Variants in NOX4 observed in about 807,000 individuals in gnomAD.
The protein encoded by NOX4 is kidney oxidase-1.
In NOX4, 69 loss-of-function variants were observed where a neutral mutation model predicts 87.6. The observed-to-expected ratio is 0.79, with a 90% CI of 0.65 to 0.96. The LOEUF (loss-of-function observed/expected upper bound fraction) is 0.96. NOX4 is among the 40% of genes least tolerant of loss of function. NOX4 has a pLI of 0.00. For missense variants in NOX4, 680 were observed against 681.5 expected (o/e 1.00, Z 0.02); for synonymous variants, 275 against 238.2 (o/e 1.15, Z -1.42).
At chr11:89,418,058 T>A (rs1484840790) in intron 8 of NOX4, among the ~76,000 whole-genome samples, 3 of 152,052 alleles carry the variant, frequency 2.0e-5, no homozygotes, top group Non-Finnish European at 2.9e-5. Context: ...CAGATTTATT[T>A]ATAAAAAATG....
chr11:89,352,269 A>AT, intron 13 of NOX4, among the ~76,000 whole-genome samples: 1 of 152,330 alleles, frequency 6.6e-6, no homozygotes, highest in East Asian at 1.9e-4. Context: ...ATACAAATAA[A>AT]TTTTTAAAAT....
chr11:89,572,094 TTGA>T, the NOX4 span, among the ~76,000 whole-genome samples: 2 of 152,202 alleles, frequency 1.3e-5, no homozygotes. Context: ...CACATATTAA[TTGA>T]TGTCTCATGT....
At chr11:89,584,575 C>A in the NOX4 span, among the ~76,000 whole-genome samples, 2 of 152,120 alleles carry the variant, frequency 1.3e-5, no homozygotes, top group African/African-American at 4.8e-5. Context: ...GAAATCCAAA[C>A]AGTTTGAATG....
At chr11:89,338,497 T>C (rs1162091042) in intron 15 of NOX4, among the ~76,000 whole-genome samples, 1 of 152,144 alleles carries the variant, frequency 6.6e-6, no homozygotes, top group Non-Finnish European at 1.5e-5. Flanking sequence ...TTCTTCTAGG[T>C]ACATACCTAG....
chr11:89,466,458 T>G (rs1008555342), intron 2 of NOX4, among the ~76,000 whole-genome samples: 2 of 152,164 alleles, frequency 1.3e-5, no homozygotes, highest in Non-Finnish European at 2.9e-5. Flanking sequence ...GTCTAAAAAA[T>G]GCAGGCAGTA....
chr11:89,527,652 CTTACA>C, the NOX4 span, among the ~76,000 whole-genome samples: 1 of 152,172 alleles, frequency 6.6e-6, no homozygotes, highest in Non-Finnish European at 1.5e-5. Flanking sequence ...GCCTTGGCAG[CTTACA>C]TTTGGTTTTG....
intron 8 of NOX4, among the ~76,000 whole-genome samples, chr11:89,404,367 A>G (rs980896491): frequency 6.6e-5 from 10 of 152,180 alleles, no homozygotes; most frequent in East Asian, 3.9e-4. Flanking sequence ...CACTACTCCA[A>G]TGGTTCTTCA....
chr11:89,541,787 C>A, the NOX4 span, among the ~76,000 whole-genome samples: 1 of 152,080 alleles, frequency 6.6e-6, no homozygotes, highest in Non-Finnish European at 1.5e-5. Flanking sequence ...AGACAAAAAT[C>A]TCTGTAGCAA....
intron 2 of NOX4, among the ~76,000 whole-genome samples, chr11:89,455,841 T>C (rs1346368770): frequency 1.3e-5 from 2 of 151,468 alleles, no homozygotes; most frequent in Non-Finnish European, 2.9e-5. Context: ...TGGTAATCAA[T>C]AAATCTTGAG....
At chr11:89,586,108 A>G in the NOX4 span, among the ~76,000 whole-genome samples, 2 of 151,930 alleles carry the variant, frequency 1.3e-5, no homozygotes, top group Admixed American at 1.3e-4. Flanking sequence ...ATAATTTATA[A>G]CACTCTCTCA....
chr11:89,373,277 C>CAAAAAAAAAAAA (rs144113376), intron 12 of NOX4, among the ~76,000 whole-genome samples, 155 bp downstream of exon 12: 571 of 58,796 alleles, frequency 9.7e-3, no homozygotes, highest in East Asian at 0.013. Flanking sequence ...ACTGTACAAG[C>CAAAAAAAAAAAA]AAAAAAAAAA....
chr11:89,391,412 G>T (rs1941110213), intron 11 of NOX4, among the ~76,000 whole-genome samples: 1 of 152,086 alleles, frequency 6.6e-6, no homozygotes, highest in Non-Finnish European at 1.5e-5. Context: ...CCCAGGGTGA[G>T]ACCCAAAAGT....
At chr11:89,554,087 T>G in the NOX4 span, among the ~76,000 whole-genome samples, 1 of 151,636 alleles carries the variant, frequency 6.6e-6, no homozygotes, top group South Asian at 2.1e-4. Context: ...TTCAAAAGGA[T>G]GTATTTTTTT....
chr11:89,488,808 A>T, intron 2 of NOX4: 1 of 517,504 alleles, frequency 1.9e-6, no homozygotes, highest in South Asian at 3.3e-5. Context: ...TAATGGGGAA[A>T]TACTAGAAAA....
the NOX4 span, among the ~76,000 whole-genome samples, chr11:89,587,239 A>AG: frequency 6.6e-6 from 1 of 152,020 alleles, no homozygotes; most frequent in Non-Finnish European, 1.5e-5. Flanking sequence ...GGGAGAGGAT[A>AG]GAGGCACCTC....
At chr11:89,476,767 A>G (rs758211543) in intron 2 of NOX4, among the ~76,000 whole-genome samples, 6 of 152,226 alleles carry the variant, frequency 3.9e-5, no homozygotes, top group Non-Finnish European at 5.9e-5. Flanking sequence ...GTAGATGCAA[A>G]CAATGGAATA....
Position 89,326,186 on chromosome 11 carries a change from T to C in NOX4, c.*570A>G, listed in dbSNP as rs1261249464. On this transcript the variant is annotated 3_prime_UTR_variant, in exon 18 of 18. Coordinates refer to ENST00000263317, the MANE Select transcript of NOX4 (RefSeq NM_016931.5). ...TAGCATATAGTCTTCAGATATCAAATAGAGGTATTAGCATAAGTAGTGGAG... is the reference window on the plus strand; with the variant it reads ...TAGCATATAGTCTTCAGATATCAAACAGAGGTATTAGCATAAGTAGTGGAG... 6.6e-6 allele frequency: 1 copy of C among 151,956 alleles called. No homozygotes were observed. Among genetic ancestry groups the C allele is most frequent in the Non-Finnish European group, 1.5e-5 (1 of 67,964 alleles). 9.4% of individuals were successfully genotyped at this position (151,956 alleles called of 1,614,324 possible).
chr11:89,444,007 C>T, intron 5 of NOX4, 128 bp downstream of exon 5: 1 of 708,324 alleles, frequency 1.4e-6, no homozygotes, highest in Middle Eastern at 2.8e-4. Context: ...TAAAGCTCAA[C>T]TTGACAACTG....
At chr11:89,388,406 C>T (rs904508475) in intron 11 of NOX4, among the ~76,000 whole-genome samples, 1 of 152,076 alleles carries the variant, frequency 6.6e-6, no homozygotes, top group Admixed American at 6.6e-5. Context: ...TATCTCAAAT[C>T]CAATGACTGG....
Sources: gnomAD v4.1 joint callset for allele counts (sites outside exome capture counted in the v4.1 genomes callset) on GRCh38, gnomAD v4.1.1 for gene constraint, MANE v1.5 for transcripts, NCBI Gene and HGNC (gene_info 2026-07-23, HGNC 2026-07-21) for gene names.